Variants in NCAM2 observed in about 807,000 individuals in gnomAD.
NCAM2 encodes the protein N-CAM-2.
Under a neutral mutation model 98.1 loss-of-function variants are expected in NCAM2, and 30 were observed. The ratio of observed to expected loss-of-function variants is 0.31; its 90% CI spans 0.23 to 0.41. The LOEUF is 0.41. Ranked by LOEUF, NCAM2 falls within the 10% of genes least tolerant of loss-of-function variation. NCAM2 has a pLI of 1.00. For missense variants in NCAM2, 867 were observed against 1,005.8 expected, an observed-to-expected ratio of 0.86 and a Z score of 1.87; for synonymous variants, 368 against 342.4, an observed-to-expected ratio of 1.07 and a Z score of -0.83.
At chr21:21,369,501 T>G (rs929678341) in intron 8 of NCAM2, among the ~76,000 whole-genome samples, 6 of 151,930 alleles carry the variant, frequency 3.9e-5, no homozygotes, top group Non-Finnish European at 8.8e-5. Context: ...TACAATTCTC[T>G]GTTTAACATT....
intron 9 of NCAM2, among the ~76,000 whole-genome samples, chr21:21,377,592 C>T (rs566778908): frequency 6.6e-6 from 1 of 151,676 alleles, no homozygotes; most frequent in Non-Finnish European, 1.5e-5. Context: ...ATAATTGTAT[C>T]CATTTATGGG....
chr21:21,249,499 A>G (rs1226488378), intron 1 of NCAM2, among the ~76,000 whole-genome samples: 2 of 152,082 alleles, frequency 1.3e-5, no homozygotes, highest in African/African-American at 4.8e-5. Context: ...TTTATTATAA[A>G]CATCTTTTCA....
Position 21,432,250 on chromosome 21 carries a change from C to G in NCAM2, c.1623C>G (p.Ile541Met), listed in dbSNP as rs1317733498. The change falls in exon 12 of 18, where the codon ATC becomes ATG. Residue 541 changes from isoleucine to methionine, a missense_variant. Coordinates refer to ENST00000400546, the MANE Select transcript of NCAM2 (RefSeq NM_004540.5). ...ATGTCAAAGAAGTAGCGTCAGAAAT[C>G]TGGAAAATTGTACGCTCCCATGGAG... ...QVDVKEVASE[I>M]WKIVRSHGVQ... is the part of the protein sequence containing the mutation. 2 of 1,614,012 alleles carry G rather than the reference C, an allele frequency of 1.2e-6. No individual in the cohort carries two copies.
rs1327242071 is a variant in NCAM2, at chr21:21,170,701, GT to G, written c.56-109874del. ...GTGGTGGAAACACATGTCATTACAT[GT>G]TTACCAAAATCCATGGAATATATAT... On this transcript the variant is annotated intron_variant, in intron 1 of 17. Transcript: ENST00000400546. Among the ~76,000 whole-genome samples, 4 of 152,236 alleles carry G rather than the reference GT, an allele frequency of 2.6e-5. No individual in the cohort carries two copies. The East Asian group carries it at 7.7e-4, about 29-fold the overall frequency.
At chr21:21,180,984 G>A (rs11910379) in intron 1 of NCAM2, among the ~76,000 whole-genome samples, 4,639 of 152,230 alleles carry the variant, frequency 0.03, 228 homozygotes, top group African/African-American at 0.11. Flanking sequence ...ATCATGCCAA[G>A]TACATGAGTG....
intron 1 of NCAM2, among the ~76,000 whole-genome samples, chr21:21,029,662 C>T (rs1316314042): frequency 6.6e-6 from 1 of 151,946 alleles, no homozygotes; most frequent in Non-Finnish European, 1.5e-5. Context: ...GATGGAGTCT[C>T]GCTCTGTTGC....
rs1395536685 is a variant in NCAM2, at chr21:21,410,441, G to A, written c.1363G>A (p.Gly455Arg). Residue 455 changes from glycine (G) to arginine (R), a missense_variant, in exon 10 of 18, where the codon GGA (glycine) becomes AGA (arginine). This residue lies in a region of NCAM2 where 56 missense variants were observed against 39.6 expected (regional missense o/e 1.41). Transcript: ENST00000400546. ...NTTNLKTYST[G>R]RKMILEIAPT... ...GACCAATTTAAAGACTTATAGTACA[G>A]GAAGAAAGATGATATTAGAGGTAAG... 2 of 1,556,364 alleles carry A rather than the reference G, an allele frequency of 1.3e-6. No individual in the cohort carries two copies. The highest frequency in any genetic ancestry group is 1.9e-5 in the Admixed American group (1 of 51,642).
intron 1 of NCAM2, among the ~76,000 whole-genome samples, chr21:21,069,184 G>A (rs1222391234): frequency 1.3e-5 from 2 of 152,192 alleles, no homozygotes; most frequent in East Asian, 3.9e-4. Context: ...AAATTCGACT[G>A]AAGCTAGTTG....
chr21:21,173,387 CT>C (rs971849016), intron 1 of NCAM2, among the ~76,000 whole-genome samples: 5 of 151,920 alleles, frequency 3.3e-5, no homozygotes, highest in African/African-American at 7.3e-5. Context: ...CATTAATAGA[CT>C]TTTTTTTCCG....
chr21:21,053,398 A>G (rs1303209369), intron 1 of NCAM2, among the ~76,000 whole-genome samples: 1 of 152,086 alleles, frequency 6.6e-6, no homozygotes, highest in East Asian at 1.9e-4. Context: ...TATTACCAAT[A>G]CTGATGAAAC....
At chr21:21,417,881 G>A (rs2077025185) in intron 10 of NCAM2, among the ~76,000 whole-genome samples, 1 of 151,954 alleles carries the variant, frequency 6.6e-6, no homozygotes, top group African/African-American at 2.4e-5. Context: ...TATGTTCCTG[G>A]AAAGATTTCA....
intron 1 of NCAM2, among the ~76,000 whole-genome samples, chr21:21,153,476 TATA>T (rs2067509126): frequency 6.6e-6 from 1 of 151,860 alleles, no homozygotes; most frequent in Non-Finnish European, 1.5e-5. Context: ...AAATGTATAA[TATA>T]ATAGAAAAGT....
chr21:21,524,784 C>A (rs1048666915), intron 16 of NCAM2, among the ~76,000 whole-genome samples: 1 of 152,036 alleles, frequency 6.6e-6, no homozygotes, highest in Non-Finnish European at 1.5e-5. Context: ...CACTTTAAAA[C>A]ATTTTATAAA....
intron 1 of NCAM2, among the ~76,000 whole-genome samples, chr21:21,068,614 C>G (rs930590333): frequency 1.3e-5 from 2 of 152,014 alleles, no homozygotes; most frequent in Non-Finnish European, 2.9e-5. Context: ...CATGTGCCAC[C>G]ATGCCTGGCT....
intron 12 of NCAM2, among the ~76,000 whole-genome samples, chr21:21,451,104 A>G (rs1181585976): frequency 6.6e-6 from 1 of 152,104 alleles, no homozygotes; most frequent in Non-Finnish European, 1.5e-5. Flanking sequence ...CTCACTTGTT[A>G]AGCAGTATGA....
At chr21:21,134,725 T>C (rs80269174) in intron 1 of NCAM2, among the ~76,000 whole-genome samples, 5 of 98,992 alleles carry the variant, frequency 5.1e-5, no homozygotes, top group Admixed American at 1.1e-4. Flanking sequence ...TTTTTTTTTT[T>C]CCTGAGTTAT....
intron 15 of NCAM2, among the ~76,000 whole-genome samples, chr21:21,491,392 T>A (rs1421564578): frequency 6.6e-6 from 1 of 151,818 alleles, no homozygotes. Flanking sequence ...AAGTGATTTT[T>A]CTCCAGTTCC....
intron 1 of NCAM2, among the ~76,000 whole-genome samples, chr21:21,236,400 T>G (rs1428272662): frequency 6.6e-6 from 1 of 152,100 alleles, no homozygotes; most frequent in Non-Finnish European, 1.5e-5. Context: ...TTATCTTTTA[T>G]TCAGTGTTGG....
intron 1 of NCAM2, among the ~76,000 whole-genome samples, chr21:21,261,282 G>A (rs891476248): frequency 1.3e-5 from 2 of 152,108 alleles, no homozygotes; most frequent in Non-Finnish European, 2.9e-5. Flanking sequence ...TACATCTCTA[G>A]ATCATCAAGG....
Sources: gnomAD v4.1 joint callset for allele counts (sites outside exome capture counted in the v4.1 genomes callset) on GRCh38, gnomAD v4.1.1 for gene constraint, gnomAD v4.1.1 regional missense constraint, MANE v1.5 for transcripts, NCBI Gene and HGNC (gene_info 2026-07-23, HGNC 2026-07-21) for gene names.